The following IQSEC1 variants were observed in gnomAD, a reference collection of about 807,000 sequenced individuals.
IQSEC1 encodes the protein IQ motif and SEC7 domain-containing protein 1.
A neutral mutation model predicts 91.0 loss-of-function variants in IQSEC1; 31 were observed. The ratio of observed to expected loss-of-function variants is 0.34; its 90% CI spans 0.26 to 0.46. The LOEUF (loss-of-function observed/expected upper bound fraction) is 0.46, where lower values mean the gene tolerates loss of function less well. IQSEC1 is among the 20% of genes least tolerant of loss of function. The pLI is 1.00. For synonymous variants in IQSEC1, 699 were observed against 662.6 expected, an observed-to-expected ratio of 1.05 and a Z score of -0.84; for missense variants, 1,388 against 1,575.6, an observed-to-expected ratio of 0.88 and a Z score of 2.02.
rs1701585565 is a variant in IQSEC1, at chr3:12,983,743, C to T, written c.24-41878G>A. On this transcript the variant is annotated intron_variant, in intron 1 of 13. Coordinates refer to ENST00000613206, the MANE Select transcript of IQSEC1 (RefSeq NM_001134382.3). The surrounding 1 kb of genome is among the most constrained non-coding windows in gnomAD (Gnocchi z 4.3). ...AGGACAATTTCCCTTTCCCTCTCCC[C>T]TCTGGACAGCTCCGTGAGGATAAGA... is the stretch of plus-strand genomic sequence containing the variant. Among the ~76,000 whole-genome samples, 2 of 152,198 alleles carry T rather than the reference C, an allele frequency of 1.3e-5. No individual in the cohort carries two copies. The highest frequency in any genetic ancestry group is 2.9e-5 in the Non-Finnish European group (2 of 68,032).
chr3:12,900,231 G>A lies in IQSEC1; in HGVS notation c.*752C>T. 3 of 983,582 alleles carry A rather than the reference G, an allele frequency of 3.1e-6. No individual in the cohort carries two copies. The highest frequency in any genetic ancestry group is 2.4e-6 in the Non-Finnish European group (2 of 828,284). The allele number at this position is 983,582 out of a possible 1,614,324, so 60.9% of individuals were successfully genotyped here. ...GATGCTATGTTACTTGGCACAGTTA[G>A]TAATGATTGTGTAAAGATTTTAGCC... On this transcript the variant is annotated 3_prime_UTR_variant, in exon 14 of 14. Transcript: ENST00000613206.
intron 2 of IQSEC1, among the ~76,000 whole-genome samples, chr3:13,120,160 C>T (rs1014252980): frequency 2.0e-5 from 3 of 152,186 alleles, no homozygotes; most frequent in Admixed American, 1.3e-4. Context: ...AGAGCCAGAA[C>T]GCAGTCTGCA....
At chr3:13,253,178 C>T (rs1425863490) in intron 1 of IQSEC1, among the ~76,000 whole-genome samples, 5 of 152,200 alleles carry the variant, frequency 3.3e-5, no homozygotes, top group Admixed American at 3.3e-4. Context: ...ACTTAAACCC[C>T]CAATAGCCCT....
intron 1 of IQSEC1, among the ~76,000 whole-genome samples, chr3:13,223,112 G>A (rs1559280510): frequency 6.6e-6 from 1 of 152,186 alleles, no homozygotes; most frequent in African/African-American, 2.4e-5. Context: ...CCAGACCCCC[G>A]GCTTGCCCGG....
chr3:13,184,663 C>T (rs358599), intron 1 of IQSEC1, among the ~76,000 whole-genome samples: 122,118 of 152,204 alleles, frequency 0.8, 49,266 homozygotes, highest in African/African-American at 0.88. Context: ...GAACTGTCTC[C>T]ATGCACAAGC....
rs112565814 is a variant in IQSEC1 at position 13,246,695 on chromosome 3, T to C, written c.272+36016A>G. 4.6e-3 allele frequency among the ~76,000 whole-genome samples: 701 copies of C among 152,310 alleles called. 7 individuals are homozygous for C. The highest frequency in any genetic ancestry group is 0.015 in the African/African-American group (636 of 41,560). On this transcript the variant is annotated intron_variant, in intron 1 of 15. Transcript: ENST00000648114. Reference sequence around the variant, plus strand: ...GATCTCCCATCAAGTTCAGAGGCTTTGCTAACTGGTAAACAGCTTGTTCAT... The same window carrying C: ...GATCTCCCATCAAGTTCAGAGGCTTCGCTAACTGGTAAACAGCTTGTTCAT...
At chr3:13,079,723 A>G (rs1163247803) in intron 2 of IQSEC1, among the ~76,000 whole-genome samples, 1 of 152,188 alleles carries the variant, frequency 6.6e-6, no homozygotes, top group Non-Finnish European at 1.5e-5. Flanking sequence ...CCATATGTCC[A>G]TTTTACATGA....
At chr3:12,950,881 C>T (rs1375849240) in intron 1 of IQSEC1, among the ~76,000 whole-genome samples, 1 of 152,012 alleles carries the variant, frequency 6.6e-6, no homozygotes, top group African/African-American at 2.4e-5. Flanking sequence ...CTCCTGACCT[C>T]GTGATCCACC....
At chr3:13,183,993 T>G (rs1041896545) in intron 1 of IQSEC1, among the ~76,000 whole-genome samples, 4 of 152,240 alleles carry the variant, frequency 2.6e-5, no homozygotes, top group African/African-American at 4.8e-5. Context: ...CCTATATCTA[T>G]TCAAGAAATA....
chr3:13,066,323 C>T (rs1366783086), intron 1 of IQSEC1, among the ~76,000 whole-genome samples: 3 of 152,236 alleles, frequency 2.0e-5, no homozygotes, highest in Non-Finnish European at 4.4e-5. Context: ...CTTGTCAGGC[C>T]AGGCCCCTCA....
In IQSEC1 at chr3:13,105,745, A is replaced by G. The variant is rs114253170; in HGVS notation, c.303-58223T>C. 8.4e-3 allele frequency among the ~76,000 whole-genome samples: 1,274 copies of G among 152,222 alleles called. 19 individuals are homozygous for G. The highest frequency in any genetic ancestry group is 0.012 in the Non-Finnish European group (791 of 68,008). On this transcript the variant is annotated intron_variant, in intron 2 of 15. Coordinates refer to the IQSEC1 transcript ENST00000648114. ...TTTCCCAGCCTCCCTCCTCGTGAAG[A>G]GTAGCCATGAGACTGAATTCTGGCC...
intron 1 of IQSEC1, among the ~76,000 whole-genome samples, chr3:13,014,577 A>G (rs1288911253): frequency 6.6e-6 from 1 of 152,120 alleles, no homozygotes; most frequent in East Asian, 1.9e-4. Flanking sequence ...GGAAAGGGCT[A>G]TCTGTCTTGC....
intron 1 of IQSEC1, among the ~76,000 whole-genome samples, chr3:13,015,186 T>G (rs1191484369): frequency 3.3e-5 from 5 of 152,176 alleles, no homozygotes; most frequent in Non-Finnish European, 7.4e-5. Context: ...TTTACTCGGC[T>G]GTAAACTGGG....
intron 2 of IQSEC1, among the ~76,000 whole-genome samples, chr3:13,131,928 A>C (rs1052375443): frequency 5.3e-5 from 8 of 152,150 alleles, no homozygotes; most frequent in African/African-American, 1.9e-4. Context: ...TTGGGCATGG[A>C]ATATAGTTAT....
intron 1 of IQSEC1, among the ~76,000 whole-genome samples, chr3:12,987,248 G>C (rs769640639): frequency 6.6e-6 from 1 of 152,230 alleles, no homozygotes; most frequent in South Asian, 2.1e-4. Flanking sequence ...CCTTGCCCTC[G>C]CCCTGTCCCT....
At chr3:13,116,367 T>C (rs974920847) in intron 2 of IQSEC1, among the ~76,000 whole-genome samples, 16 of 152,200 alleles carry the variant, frequency 1.1e-4, no homozygotes, top group African/African-American at 3.9e-4. Flanking sequence ...ACAGACAATA[T>C]ATAAATGAAT....
chr3:13,169,854 T>G (rs919306873), intron 1 of IQSEC1, among the ~76,000 whole-genome samples: 5 of 152,180 alleles, frequency 3.3e-5, no homozygotes, highest in African/African-American at 9.7e-5. Context: ...GCATTCAGTT[T>G]TCTAAGGGAA....
chr3:13,237,978 G>T (rs1694960400), intron 1 of IQSEC1, among the ~76,000 whole-genome samples: 1 of 152,206 alleles, frequency 6.6e-6, no homozygotes, highest in Non-Finnish European at 1.5e-5. Context: ...CCTGCATGGG[G>T]GACTGCAGAG....
At chr3:13,037,455 C>A (rs1377678653) in intron 1 of IQSEC1, among the ~76,000 whole-genome samples, 1 of 152,116 alleles carries the variant, frequency 6.6e-6, no homozygotes, top group African/African-American at 2.4e-5. Flanking sequence ...ATACTATACA[C>A]CAGTGAAAAT....
Sources: gnomAD v4.1 joint callset for allele counts (sites outside exome capture counted in the v4.1 genomes callset) on GRCh38, gnomAD v4.1.1 for gene constraint, Gnocchi (gnomAD v3.1) non-coding constraint, MANE v1.5 for transcripts, NCBI Gene and HGNC (gene_info 2026-07-23, HGNC 2026-07-21) for gene names.